Variants in ABCG1 observed in about 807,000 individuals in gnomAD.
ABCG1 encodes the protein ATP binding cassette subfamily G member 1.
A neutral mutation model predicts 69.2 loss-of-function variants in ABCG1; 29 were observed. The observed-to-expected ratio is 0.42, with a 90% CI of 0.31 to 0.57. The LOEUF (loss-of-function observed/expected upper bound fraction) is 0.57, where lower values mean the gene tolerates loss of function less well. ABCG1 is among the 20% of genes least tolerant of loss of function. The probability of loss-of-function intolerance (pLI) is 0.15; values close to 1 mark genes in which losing one functional copy is unlikely to be tolerated. For missense variants in ABCG1, 718 were observed against 898.1 expected (o/e 0.80, Z 2.56); for synonymous variants, 370 against 374.8 (o/e 0.99, Z 0.15).
chr21:42,297,225 T>C lies in ABCG1; in HGVS notation c.*833T>C, dbSNP rs2069228254. 1.3e-5 allele frequency: 2 copies of C among 152,254 alleles called. No homozygotes were observed. The highest frequency in any genetic ancestry group is 4.8e-5 in the African/African-American group (2 of 41,472). The allele number at this position is 152,254 out of a possible 1,614,324, so 9.4% of individuals were successfully genotyped here. A position where few individuals can be genotyped will look rare whatever the true frequency, so the allele number is the denominator to read the frequency against. On this transcript the variant is annotated 3_prime_UTR_variant, in exon 15 of 15. Transcript: ENST00000398449. ...CGTGCTTCTTATTTTAAGCGAAATA[T>C]ATTGTTTGTTTCTTCCTAACTTTCT...
At chr21:42,259,886 G>T in intron 2 of ABCG1, 1 of 1,446,816 alleles carries the variant, frequency 6.9e-7, no homozygotes, top group South Asian at 1.5e-5. Flanking sequence ...GGAGCACAGC[G>T]GGAGAAAGAA....
At chr21:42,246,590 C>T (rs562152970) in intron 2 of ABCG1, among the ~76,000 whole-genome samples, 25 of 152,160 alleles carry the variant, frequency 1.6e-4, no homozygotes, top group South Asian at 6.2e-4. Context: ...GATACAATGG[C>T]GTATGTGTAT....
intron 2 of ABCG1, among the ~76,000 whole-genome samples, chr21:42,241,013 A>C (rs2068043662): frequency 6.6e-6 from 1 of 152,264 alleles, no homozygotes; most frequent in Non-Finnish European, 1.5e-5. Flanking sequence ...AGACCCTCTG[A>C]AGGAATCCAG....
chr21:42,238,751 GTT>G (rs1184408773), intron 2 of ABCG1, among the ~76,000 whole-genome samples: 1 of 152,210 alleles, frequency 6.6e-6, no homozygotes, highest in Non-Finnish European at 1.5e-5. Context: ...GCTCCTGCGT[GTT>G]TTAGTCTTGT....
At position 42,291,514 on chromosome 21, in the gene ABCG1, C is replaced by A; in HGVS notation, c.1511C>A (p.Ala504Asp). Residue 504 changes from alanine (A) to aspartate (D), a missense_variant, in exon 13 of 15, where the codon GCC becomes GAC. This residue lies in a region of ABCG1 where 204 missense variants were observed against 323.8 expected (regional missense o/e 0.63). Transcript: ENST00000398449. The surrounding 1 kb of genome is among the most constrained non-coding windows in gnomAD (Gnocchi z 6.4). Reference protein sequence around the residue: ...DVPFQIMFPVAYCSIVYWMTS... With the variant: ...DVPFQIMFPVDYCSIVYWMTS... Reference sequence around the variant, plus strand: ...TGTTTCCAGATCATGTTCCCAGTGGCCTACTGCAGCATCGTGTACTGGATG... The same window carrying A: ...TGTTTCCAGATCATGTTCCCAGTGGACTACTGCAGCATCGTGTACTGGATG... The A allele has an allele frequency of 6.2e-7, 1 of 1,611,380 alleles. No homozygotes were observed. The highest frequency in any genetic ancestry group is 8.5e-7 in the Non-Finnish European group (1 of 1,177,988).
upstream of ABCG1, among the ~76,000 whole-genome samples, chr21:42,216,904 T>G (rs976939915): frequency 1.3e-5 from 2 of 152,172 alleles, no homozygotes; most frequent in Non-Finnish European, 2.9e-5. Flanking sequence ...TTGCCATGCC[T>G]TATTTCCCAC....
chr21:42,237,977 G>A (rs1393271572), intron 2 of ABCG1, among the ~76,000 whole-genome samples: 4 of 152,188 alleles, frequency 2.6e-5, no homozygotes, highest in Admixed American at 1.3e-4. Flanking sequence ...TGATCCAAGT[G>A]CCAAACTCAG....
intron 2 of ABCG1, among the ~76,000 whole-genome samples, chr21:42,207,453 C>G (rs1002041382): frequency 6.6e-6 from 1 of 152,166 alleles, no homozygotes; most frequent in African/African-American, 2.4e-5. Flanking sequence ...CTAAGACTTT[C>G]TACTTTCTAT....
chr21:42,244,897 G>A (rs1202145126), intron 2 of ABCG1, among the ~76,000 whole-genome samples: 2 of 152,256 alleles, frequency 1.3e-5, no homozygotes, highest in East Asian at 3.8e-4. Context: ...CTTCAGAGAG[G>A]GCTGTTGACT....
intron 2 of ABCG1, among the ~76,000 whole-genome samples, chr21:42,209,693 G>A (rs1341126639): frequency 6.6e-6 from 1 of 152,236 alleles, no homozygotes; most frequent in Non-Finnish European, 1.5e-5. Flanking sequence ...AAGGTCAGAA[G>A]GGAGAGTAGA....
At chr21:42,271,610 G>A (rs2068618969) in intron 3 of ABCG1, among the ~76,000 whole-genome samples, 1 of 152,214 alleles carries the variant, frequency 6.6e-6, no homozygotes, top group African/African-American at 2.4e-5. Context: ...AGCCGGGTGT[G>A]GTGGCTCGCA....
At chr21:42,208,882 A>G (rs1338318499) in intron 2 of ABCG1, among the ~76,000 whole-genome samples, 1 of 152,212 alleles carries the variant, frequency 6.6e-6, no homozygotes. Context: ...CATGCAGAAG[A>G]TAATCTCTCT....
chr21:42,272,658 G>A (rs973278553), intron 3 of ABCG1, among the ~76,000 whole-genome samples: 1 of 152,260 alleles, frequency 6.6e-6, no homozygotes, highest in Non-Finnish European at 1.5e-5. Context: ...GGCAGCAGAG[G>A]CGCACAGTAG....
intron 1 of ABCG1, among the ~76,000 whole-genome samples, chr21:42,224,560 G>A (rs576313673): frequency 1.3e-5 from 2 of 152,310 alleles, no homozygotes; most frequent in South Asian, 2.1e-4. Context: ...GTTTCACTTG[G>A]CACCTTTAGT....
At chr21:42,204,811 G>A (rs1304555837) in intron 2 of ABCG1, among the ~76,000 whole-genome samples, 1 of 152,102 alleles carries the variant, frequency 6.6e-6, no homozygotes, top group Non-Finnish European at 1.5e-5. Context: ...CTCAGCCAAT[G>A]ATCAACTATA....
intron 3 of ABCG1, among the ~76,000 whole-genome samples, chr21:42,271,638 T>C (rs1424278920): frequency 2.0e-5 from 3 of 152,148 alleles, no homozygotes; most frequent in African/African-American, 7.2e-5. Flanking sequence ...TCGCAGCACT[T>C]TGGGAGGCCG....
At chr21:42,225,559 A>G (rs2067801870) in intron 1 of ABCG1, 112 bp from the exon 2 acceptor site, 8 of 1,359,286 alleles carry the variant, frequency 5.9e-6, no homozygotes, top group African/African-American at 2.9e-5. Context: ...CTGCAGTGGA[A>G]GAAGTGTTGC....
chr21:42,290,291 C>A, intron 11 of ABCG1, 73 bp downstream of exon 11: 1 of 1,499,026 alleles, frequency 6.7e-7, no homozygotes, highest in Non-Finnish European at 9.0e-7. Context: ...TGAAGTCACG[C>A]CTTGACCAAC....
In ABCG1 at chr21:42,225,724, G is replaced by C. The variant is rs554693689; in HGVS notation, c.96G>C (p.Ser32=). ...CGGAGCCCAAGTCGGTGTGTGTCTCGGTGGATGAGGTGGTGTCCAGCAACA... is the reference window on the plus strand; with the variant it reads ...CGGAGCCCAAGTCGGTGTGTGTCTCCGTGGATGAGGTGGTGTCCAGCAACA... ...EMTEPKSVCV[S]VDEVVSSNME... Residue 32 remains serine (S), a synonymous_variant, in exon 2 of 15, where the codon TCG becomes TCC. Coordinates refer to ENST00000398449, the MANE Select transcript of ABCG1 (RefSeq NM_016818.3). 6.2e-7 allele frequency: 1 copy of C among 1,613,840 alleles called. No individual in the cohort carries two copies. Among genetic ancestry groups the C allele is most frequent in the Non-Finnish European group, 8.5e-7 (1 of 1,179,974 alleles).
Sources: allele counts gnomAD v4.1 joint callset (sites outside exome capture counted in the v4.1 genomes callset), GRCh38; gene constraint gnomAD v4.1.1; regional missense constraint gnomAD v4.1.1; non-coding constraint Gnocchi (gnomAD v3.1); transcripts MANE v1.5; gene names NCBI Gene and HGNC (gene_info 2026-07-23, HGNC 2026-07-21).